FSTL5: variants seen among roughly 807,000 people sequenced by gnomAD.
The protein encoded by FSTL5 is follistatin-related protein 5.
In FSTL5, 62 loss-of-function variants were observed where a neutral mutation model predicts 89.1. The observed-to-expected ratio is 0.70, with a 90% CI of 0.57 to 0.86. The LOEUF (loss-of-function observed/expected upper bound fraction) is 0.86, where lower values mean the gene tolerates loss of function less well. Ranked by LOEUF, FSTL5 falls within the 40% of genes least tolerant of loss-of-function variation. FSTL5 has a pLI of 0.00. For missense variants in FSTL5, 1,057 were observed against 1,001.6 expected (o/e 1.06, Z -0.75); for synonymous variants, 383 against 346.2 (o/e 1.11, Z -1.18).
intron 3 of FSTL5, among the ~76,000 whole-genome samples, chr4:161,947,136 GTGTGTA>G (rs1734758055): frequency 8.0e-6 from 1 of 125,384 alleles, no homozygotes; most frequent in Non-Finnish European, 1.9e-5. Flanking sequence ...TGGGGTGTGT[GTGTGTA>G]TGTGTGTGTG....
chr4:161,799,605 G>C (rs1354698427), intron 4 of FSTL5, among the ~76,000 whole-genome samples: 1 of 151,556 alleles, frequency 6.6e-6, no homozygotes, highest in African/African-American at 2.4e-5. Flanking sequence ...CTCCAAAAAA[G>C]AAATGGGAAA....
intron 4 of FSTL5, among the ~76,000 whole-genome samples, chr4:161,885,110 TGTAGA>T (rs1398963289): frequency 3.3e-5 from 5 of 152,108 alleles, no homozygotes; most frequent in African/African-American, 4.8e-5. Context: ...ACTTGAAGGG[TGTAGA>T]GTAGTCTAAA....
intron 7 of FSTL5, among the ~76,000 whole-genome samples, chr4:161,624,542 A>T (rs1735247632): frequency 6.6e-6 from 1 of 151,550 alleles, no homozygotes; most frequent in African/African-American, 2.4e-5. Flanking sequence ...AGAGCTACAG[A>T]TTATAGGTGT....
At chr4:161,956,707 G>A (rs1396598447) in intron 3 of FSTL5, among the ~76,000 whole-genome samples, 1 of 151,908 alleles carries the variant, frequency 6.6e-6, no homozygotes, top group Non-Finnish European at 1.5e-5. Context: ...AGAGACACGG[G>A]TTAATGTAAA....
chr4:162,034,565 C>T (rs1737660094), intron 2 of FSTL5, among the ~76,000 whole-genome samples: 1 of 152,068 alleles, frequency 6.6e-6, no homozygotes, highest in Non-Finnish European at 1.5e-5. Flanking sequence ...AATTAGCTTG[C>T]TTTCAAGTTT....
intron 13 of FSTL5, among the ~76,000 whole-genome samples, chr4:161,462,673 G>T (rs561262074): frequency 3.4e-4 from 51 of 152,096 alleles, no homozygotes; most frequent in African/African-American, 1.2e-3. Flanking sequence ...CTTAGCGTGT[G>T]CCTGGTGAAT....
At chr4:161,846,745 A>T (rs1028265414) in intron 4 of FSTL5, among the ~76,000 whole-genome samples, 1 of 152,158 alleles carries the variant, frequency 6.6e-6, no homozygotes, top group Non-Finnish European at 1.5e-5. Flanking sequence ...AAGGTTTGTC[A>T]AAGTTGAATG....
intron 9 of FSTL5, among the ~76,000 whole-genome samples, chr4:161,539,636 G>A (rs1024917705): frequency 1.1e-4 from 17 of 152,144 alleles, no homozygotes; most frequent in Admixed American, 9.2e-4. Context: ...CTCTGCCACA[G>A]CAGCATTAAA....
At chr4:161,562,588 G>C (rs1578927036) in intron 8 of FSTL5, among the ~76,000 whole-genome samples, 1 of 149,604 alleles carries the variant, frequency 6.7e-6, no homozygotes, top group African/African-American at 2.5e-5. Context: ...CCTATTTTTT[G>C]ATACTAATAT....
intron 3 of FSTL5, among the ~76,000 whole-genome samples, chr4:161,992,859 AAAATAT>A (rs1736153808): frequency 6.8e-5 from 1 of 14,810 alleles, no homozygotes; most frequent in Non-Finnish European, 1.2e-4. Context: ...AAAAAAAAAA[AAAATAT>A]ATATATATAT....
Position 161,542,598 on chromosome 4 carries a change from G to T in FSTL5, c.1111C>A (p.Gln371Lys). The T allele has an allele frequency of 6.4e-7, 1 of 1,570,536 alleles. No individual in the cohort carries two copies. The highest frequency in any genetic ancestry group is 8.7e-7 in the Non-Finnish European group (1 of 1,155,378). Residue 371 changes from glutamine to lysine, a missense_variant, in exon 9 of 16, where the codon CAG (glutamine) becomes AAG (lysine). By Grantham distance (53) the Gln-to-Lys change is moderately conservative. Coordinates refer to ENST00000306100, the MANE Select transcript of FSTL5 (RefSeq NM_020116.5). Reference sequence around the variant, plus strand: ...ATTCCATTCTTCAACCAGCCAAGCTGAGGCTTTGGTATGCCCTCTGCATGG... The same window carrying T: ...ATTCCATTCTTCAACCAGCCAAGCTTAGGCTTTGGTATGCCCTCTGCATGG... ...RCHAEGIPKP[Q>K]LGWLKNGIDI...
intron 15 of FSTL5, among the ~76,000 whole-genome samples, chr4:161,391,810 TGCTTAGATGTGTTTGAGAAATGATA>T (rs1730832615): frequency 6.6e-6 from 1 of 152,218 alleles, no homozygotes; most frequent in Admixed American, 6.5e-5. Flanking sequence ...ATGGTCCTAA[TGCTTAGATGTGTTTGAGAAATGATA>T]GCACTTTGAA....
rs527385308 is a variant in FSTL5 at position 161,796,018 on chromosome 4, AT to A, written c.410-19945del. On this transcript the variant is annotated intron_variant, in intron 4 of 15. Coordinates refer to ENST00000306100, the MANE Select transcript of FSTL5 (RefSeq NM_020116.5). ...TGCACAGCCAAAAATACAATATCAG[AT>A]TTTTTTCATTCGAAAATCAATTTTG... Among the ~76,000 whole-genome samples, 3 of 151,836 alleles carry A rather than the reference AT, an allele frequency of 2.0e-5. No homozygotes were observed. In the South Asian group the frequency reaches 6.2e-4, roughly 31 times the overall value.
chr4:161,683,195 A>T (rs1322832779), intron 6 of FSTL5, among the ~76,000 whole-genome samples: 1 of 151,938 alleles, frequency 6.6e-6, no homozygotes, highest in Non-Finnish European at 1.5e-5. Flanking sequence ...GATGGTCAGC[A>T]TAGTAGATTT....
chr4:161,562,132 TC>T (rs1427330170), intron 8 of FSTL5, among the ~76,000 whole-genome samples: 2 of 152,020 alleles, frequency 1.3e-5, no homozygotes, highest in South Asian at 4.2e-4. Context: ...TTCTTGCTCT[TC>T]CCCACTGGAC....
rs530693116 is a variant in FSTL5, at chr4:161,399,449, A to G, written c.1842-13000T>C. ...AAATACACTTACAGTACTGTACTAT[A>G]TTTTTCATTGCCATAAGTTTGCATC... On this transcript the variant is annotated intron_variant, in intron 15 of 15. Transcript: ENST00000306100. Among the ~76,000 whole-genome samples the G allele has an allele frequency of 3.8e-4, 58 of 152,212 alleles. No homozygotes were observed. The South Asian group carries it at 9.9e-3, about 26-fold the overall frequency.
chr4:161,794,234 C>T (rs1729560816), intron 4 of FSTL5, among the ~76,000 whole-genome samples: 1 of 152,024 alleles, frequency 6.6e-6, no homozygotes, highest in South Asian at 2.1e-4. Flanking sequence ...AGTATTTTTT[C>T]AAAGCATTCT....
chr4:161,880,874 G>T (rs1254795655), intron 4 of FSTL5, among the ~76,000 whole-genome samples: 3 of 152,100 alleles, frequency 2.0e-5, no homozygotes, highest in East Asian at 1.9e-4. Context: ...ACCAGTAGTT[G>T]CCATGAGGCA....
chr4:161,734,977 C>T (rs563745578), intron 6 of FSTL5, among the ~76,000 whole-genome samples: 22 of 152,154 alleles, frequency 1.4e-4, no homozygotes, highest in Non-Finnish European at 2.6e-4. Flanking sequence ...CCAACAGTTC[C>T]TACCTGGAGA....
Sources: allele counts gnomAD v4.1 joint callset (sites outside exome capture counted in the v4.1 genomes callset), GRCh38; gene constraint gnomAD v4.1.1; transcripts MANE v1.5; gene names NCBI Gene and HGNC (gene_info 2026-07-23, HGNC 2026-07-21).